The following GNG2 variants were observed in gnomAD, a reference collection of about 807,000 sequenced individuals.
GNG2 encodes G protein subunit gamma 2.
Under a neutral mutation model 5.5 loss-of-function variants are expected in GNG2, and 5 were observed. The ratio of observed to expected loss-of-function variants is 0.91; its 90% CI spans 0.48 to 1.92. The LOEUF (loss-of-function observed/expected upper bound fraction) is 1.92. Ranked by LOEUF, GNG2 falls within the 30% of genes most tolerant of loss-of-function variation. The probability of loss-of-function intolerance (pLI) is 0.01; values close to 1 mark genes in which losing one functional copy is unlikely to be tolerated. For synonymous variants in GNG2, 28 were observed against 32.0 expected (o/e 0.88, Z 0.42); for missense variants, 55 against 88.4 (o/e 0.62, Z 1.52).
At chr14:51,946,510 G>A (rs1888652140) in intron 2 of GNG2, among the ~76,000 whole-genome samples, 1 of 152,178 alleles carries the variant, frequency 6.6e-6, no homozygotes. Context: ...TGGGTGGAAA[G>A]GAATGAAGCA....
intron 2 of GNG2, among the ~76,000 whole-genome samples, chr14:51,921,639 T>C (rs1170270307): frequency 1.3e-5 from 2 of 152,178 alleles, no homozygotes; most frequent in East Asian, 3.9e-4. Flanking sequence ...ACACAGGATA[T>C]TGAACTAGTG....
chr14:51,888,064 G>A (rs1009523845), intron 2 of GNG2, among the ~76,000 whole-genome samples: 7 of 152,030 alleles, frequency 4.6e-5, no homozygotes, highest in Non-Finnish European at 1.0e-4. Context: ...AATTTTGACT[G>A]CATACACCCA....
intron 2 of GNG2, among the ~76,000 whole-genome samples, chr14:51,849,048 G>C (rs1180262780): frequency 3.3e-5 from 5 of 152,142 alleles, no homozygotes; most frequent in Non-Finnish European, 7.4e-5. Flanking sequence ...TGTGGGTCAG[G>C]AATTTGGGAG....
Position 51,950,648 on chromosome 14 carries a change from A to G in GNG2, c.-29-2A>G, listed in dbSNP as rs981342625. On this transcript the variant is annotated splice_acceptor_variant, in intron 2 of 3. Coordinates refer to ENST00000556766, the MANE Select transcript of GNG2 (RefSeq NM_053064.5). LOFTEE classifies it low-confidence loss of function (5UTR_SPLICE). ...CAATCTTCTTTTTGTTTTCTTTTCT[A>G]GTGTTTCTGAAAGATCTATCCAGCA... is the stretch of plus-strand genomic sequence containing the variant. 1.3e-5 allele frequency: 19 copies of G among 1,517,746 alleles called. No homozygotes were observed. Among genetic ancestry groups the G allele is most frequent in the Non-Finnish European group, 1.7e-5 (19 of 1,099,138 alleles). 94.0% of individuals were successfully genotyped at this position (1,517,746 alleles called of 1,614,324 possible). A position where few individuals can be genotyped will look rare whatever the true frequency, so the allele number is the denominator to read the frequency against.
chr14:51,931,416 A>C (rs1594930567), intron 2 of GNG2, among the ~76,000 whole-genome samples: 2 of 152,342 alleles, frequency 1.3e-5, no homozygotes, highest in East Asian at 3.9e-4. Context: ...AGAGGCGCTC[A>C]TTCACATAGA....
chr14:51,954,335 G>A (rs575254858), intron 3 of GNG2, among the ~76,000 whole-genome samples: 1 of 152,116 alleles, frequency 6.6e-6, no homozygotes, highest in South Asian at 2.1e-4. Flanking sequence ...TTAGGGGAAG[G>A]GGGAGAGAGG....
chr14:51,896,023 C>T (rs185528790), intron 2 of GNG2, among the ~76,000 whole-genome samples: 91 of 152,298 alleles, frequency 6.0e-4, no homozygotes, highest in African/African-American at 2.1e-3. Flanking sequence ...TGCCCAGTCT[C>T]GGATATGTCT....
In GNG2 at chr14:51,933,885, A is replaced by T. The variant is rs565452239; in HGVS notation, c.-29-16765A>T. Among the ~76,000 whole-genome samples the T allele has an allele frequency of 7.2e-5, 11 of 152,342 alleles. No homozygotes were observed. The South Asian group carries it at 2.3e-3, about 32-fold the overall frequency. ...GAAAGGAGGTATCAGAGGTCTGAGA[A>T]GGGAAGGTGTGAAAATCATGAGAAG... On this transcript the variant is annotated intron_variant, in intron 2 of 3. Transcript: ENST00000556766.
At chr14:51,887,982 T>C (rs1180011917) in intron 2 of GNG2, among the ~76,000 whole-genome samples, 1 of 152,190 alleles carries the variant, frequency 6.6e-6, no homozygotes, top group Non-Finnish European at 1.5e-5. Context: ...TAAAAAATTA[T>C]TTCTTAGCAG....
Position 51,923,567 on chromosome 14 carries a change from T to TACAC in GNG2, c.-29-27067_-29-27064dup, listed in dbSNP as rs142081387. ...TACACATATATATACAAACACACAA[T>TACAC]ACACACACACACACACACAGACATA... is the stretch of plus-strand genomic sequence containing the variant. On this transcript the variant is annotated intron_variant, in intron 2 of 3. Coordinates refer to ENST00000556766, the MANE Select transcript of GNG2 (RefSeq NM_053064.5). Among the ~76,000 whole-genome samples the TACAC allele has an allele frequency of 4.1e-3, 620 of 150,096 alleles. 3 individuals are homozygous for TACAC. Among genetic ancestry groups the TACAC allele is most frequent in the Middle Eastern group, 0.014 (4 of 292 alleles).
At chr14:51,885,076 A>G (rs903050125) in intron 2 of GNG2, among the ~76,000 whole-genome samples, 10 of 152,222 alleles carry the variant, frequency 6.6e-5, no homozygotes. Context: ...GAGCCCAGTC[A>G]TAATTGGAGT....
intron 1 of GNG2, among the ~76,000 whole-genome samples, chr14:51,865,354 A>G (rs1246495475): frequency 6.6e-6 from 1 of 152,122 alleles, no homozygotes. Context: ...GATGATGACT[A>G]TGTTAATTAG....
chr14:51,940,776 T>G (rs189904086), intron 2 of GNG2, among the ~76,000 whole-genome samples: 116 of 152,316 alleles, frequency 7.6e-4, no homozygotes, highest in African/African-American at 2.7e-3. Flanking sequence ...TAGTAGAGAT[T>G]GAAATGTGCT....
chr14:51,935,855 G>A (rs74051327), intron 2 of GNG2, among the ~76,000 whole-genome samples: 5,473 of 152,098 alleles, frequency 0.036, 317 homozygotes, highest in African/African-American at 0.12. Context: ...GAGAGAGAGA[G>A]CGATGTTTTC....
intron 1 of GNG2, among the ~76,000 whole-genome samples, chr14:51,869,579 C>G (rs993524172): frequency 6.6e-6 from 1 of 152,196 alleles, no homozygotes; most frequent in Non-Finnish European, 1.5e-5. Context: ...GTGGCATGAT[C>G]ATGACTCATT....
intron 2 of GNG2, among the ~76,000 whole-genome samples, chr14:51,909,353 AG>A (rs1886150526): frequency 6.6e-6 from 1 of 152,214 alleles, no homozygotes; most frequent in Non-Finnish European, 1.5e-5. Context: ...TTCAAGTGAA[AG>A]GGTATAACAT....
At chr14:51,883,778 C>T (rs1884257548) in intron 2 of GNG2, among the ~76,000 whole-genome samples, 1 of 151,902 alleles carries the variant, frequency 6.6e-6, no homozygotes, top group East Asian at 1.9e-4. Context: ...TTTTTATGTA[C>T]CAGACACTAT....
intron 2 of GNG2, among the ~76,000 whole-genome samples, chr14:51,891,270 T>A (rs1226994876): frequency 1.3e-5 from 2 of 152,226 alleles, no homozygotes; most frequent in African/African-American, 4.8e-5. Context: ...TTGCATCTGC[T>A]TCTTGGTAGC....
intron 2 of GNG2, among the ~76,000 whole-genome samples, chr14:51,942,589 C>CTTTCTTTCTTTCTTTCTTTCTTTTTT (rs761049973): frequency 6.2e-5 from 5 of 81,146 alleles, no homozygotes; most frequent in African/African-American, 2.4e-4. Flanking sequence ...TTCTTTCTTT[C>CTTTCTTTCTTTCTTTCTTTCTTTTTT]TTTTTTTTTT....
Sources: gnomAD v4.1 joint callset for allele counts (sites outside exome capture counted in the v4.1 genomes callset) on GRCh38, gnomAD v4.1.1 for gene constraint, MANE v1.5 for transcripts, NCBI Gene and HGNC (gene_info 2026-07-23, HGNC 2026-07-21) for gene names.